The following ROBO2 variants were observed in gnomAD, a reference collection of about 807,000 sequenced individuals.
ROBO2 encodes the protein roundabout homolog 2.
ROBO2 carries 53 observed loss-of-function variants against 160.8 expected under a neutral mutation model. The ratio of observed to expected loss-of-function variants is 0.33; its 90% CI spans 0.26 to 0.41. ROBO2 has a LOEUF of 0.41. ROBO2 is among the 10% of genes least tolerant of loss of function. The pLI is 1.00. For missense variants in ROBO2, 1,577 were observed against 1,722.4 expected (o/e 0.92, Z 1.49); for synonymous variants, 664 against 611.7 (o/e 1.09, Z -1.26).
rs147676664 is a variant in ROBO2 at position 76,336,940 on chromosome 3, T to C, written c.109+399338T>C. On this transcript the variant is annotated intron_variant, in intron 2 of 26. Transcript: ENST00000487694. Reference sequence around the variant, plus strand: ...TTCCCAAAATTAATGTTTGCAGTTATGAATTTTTAAAATAGATTCTGAAAA... The same window carrying C: ...TTCCCAAAATTAATGTTTGCAGTTACGAATTTTTAAAATAGATTCTGAAAA... 2.9e-3 allele frequency among the ~76,000 whole-genome samples: 445 copies of C among 152,246 alleles called. 1 individual carries two copies. Among genetic ancestry groups the C allele is most frequent in the African/African-American group, 0.01 (423 of 41,556 alleles).
chr3:76,517,845 C>T (rs2081415831), intron 2 of ROBO2, among the ~76,000 whole-genome samples: 1 of 152,030 alleles, frequency 6.6e-6, no homozygotes. Context: ...GAGGAAAGAA[C>T]AGAGAACAGA....
At chr3:77,153,459 C>T (rs1579440574) in intron 2 of ROBO2, among the ~76,000 whole-genome samples, 1 of 152,156 alleles carries the variant, frequency 6.6e-6, no homozygotes, top group South Asian at 2.1e-4. Context: ...ACCATTGTGA[C>T]AGTACTACAA....
intron 2 of ROBO2, among the ~76,000 whole-genome samples, chr3:76,683,843 T>A (rs902152699): frequency 6.6e-6 from 1 of 152,070 alleles, no homozygotes; most frequent in African/African-American, 2.4e-5. Context: ...TGAATCGAGT[T>A]TTATTCCCGT....
At chr3:76,924,013 C>T (rs990514812) in intron 2 of ROBO2, among the ~76,000 whole-genome samples, 4 of 152,176 alleles carry the variant, frequency 2.6e-5, no homozygotes, top group Non-Finnish European at 4.4e-5. Flanking sequence ...CATTAATTGT[C>T]ATCTCTTATG....
chr3:76,468,553 C>A (rs905484168), intron 2 of ROBO2, among the ~76,000 whole-genome samples: 1 of 152,018 alleles, frequency 6.6e-6, no homozygotes, highest in African/African-American at 2.4e-5. Flanking sequence ...ATGTCTGACT[C>A]AATTCTTGCC....
At chr3:77,442,566 T>C (rs1211777921) in intron 2 of ROBO2, among the ~76,000 whole-genome samples, 2 of 152,218 alleles carry the variant, frequency 1.3e-5, no homozygotes, top group East Asian at 1.9e-4. Flanking sequence ...TTAAAACTTA[T>C]ACATATCAAA....
intron 2 of ROBO2, among the ~76,000 whole-genome samples, chr3:76,412,790 C>T (rs62262658): frequency 1.3e-5 from 2 of 152,160 alleles, no homozygotes; most frequent in Non-Finnish European, 2.9e-5. Context: ...TGTGGCTTTT[C>T]CAGGCTCAGA....
intron 2 of ROBO2, among the ~76,000 whole-genome samples, chr3:76,155,441 A>G (rs774961776): frequency 2.2e-4 from 33 of 152,298 alleles, no homozygotes; most frequent in Non-Finnish European, 3.7e-4. Context: ...ACAGACTTAA[A>G]AGATAGAACA....
At position 76,319,476 on chromosome 3, in the gene ROBO2, T is replaced by C. The variant is rs538282043; in HGVS notation, c.109+381874T>C. On this transcript the variant is annotated intron_variant, in intron 2 of 26. Transcript: ENST00000487694. ...TCTTGGGAAGGAATATTCCTTTCCCTTTAGCTGGTGTCTTCAACTAAGTTA... is the reference window on the plus strand; with the variant it reads ...TCTTGGGAAGGAATATTCCTTTCCCCTTAGCTGGTGTCTTCAACTAAGTTA... 1.1e-4 allele frequency among the ~76,000 whole-genome samples: 17 copies of C among 152,200 alleles called. No homozygotes were observed. In the South Asian group the frequency reaches 3.5e-3, roughly 32 times the overall value.
At chr3:75,969,670 A>G (rs973030157) in intron 2 of ROBO2, among the ~76,000 whole-genome samples, 1 of 151,602 alleles carries the variant, frequency 6.6e-6, no homozygotes, top group African/African-American at 2.4e-5. Context: ...ACACCTTTTC[A>G]TATACTTGTT....
chr3:76,325,950 T>C (rs1271243877), intron 2 of ROBO2, among the ~76,000 whole-genome samples: 2 of 152,164 alleles, frequency 1.3e-5, no homozygotes, highest in Non-Finnish European at 2.9e-5. Flanking sequence ...AACAGTATTG[T>C]AGAAAATACA....
chr3:76,215,908 G>T (rs1201987322), intron 2 of ROBO2, among the ~76,000 whole-genome samples: 1 of 152,204 alleles, frequency 6.6e-6, no homozygotes, highest in East Asian at 1.9e-4. Flanking sequence ...GGCAGCCAGA[G>T]AGAAAGGTCA....
chr3:77,238,439 TGA>T (rs2088429328), intron 2 of ROBO2, among the ~76,000 whole-genome samples: 1 of 152,188 alleles, frequency 6.6e-6, no homozygotes, highest in Non-Finnish European at 1.5e-5. Flanking sequence ...CATGCCTTTT[TGA>T]TACCATTTAT....
chr3:77,105,966 C>T (rs897031723), intron 2 of ROBO2, among the ~76,000 whole-genome samples: 5 of 152,122 alleles, frequency 3.3e-5, no homozygotes, highest in Admixed American at 6.6e-5. Flanking sequence ...CTCCGGTTTT[C>T]GATCCCAGAA....
chr3:77,315,199 T>A (rs1246152489), intron 2 of ROBO2, among the ~76,000 whole-genome samples: 2 of 152,124 alleles, frequency 1.3e-5, no homozygotes, highest in African/African-American at 2.4e-5. Context: ...AAAGGTCTTA[T>A]TTGCAGAACA....
At chr3:76,782,330 T>C (rs1355088280) in intron 2 of ROBO2, among the ~76,000 whole-genome samples, 5 of 150,754 alleles carry the variant, frequency 3.3e-5, no homozygotes, top group Non-Finnish European at 7.5e-5. Flanking sequence ...GAATTCTGTG[T>C]GAACATTCCA....
intron 2 of ROBO2, among the ~76,000 whole-genome samples, chr3:76,216,907 G>T (rs1703576320): frequency 6.6e-6 from 1 of 152,082 alleles, no homozygotes; most frequent in South Asian, 2.1e-4. Context: ...CACATAGTTG[G>T]AAGTAAAGCT....
intron 2 of ROBO2, among the ~76,000 whole-genome samples, chr3:75,939,456 G>C (rs1185851242): frequency 2.6e-5 from 4 of 152,068 alleles, no homozygotes; most frequent in Non-Finnish European, 4.4e-5. Context: ...TTAAAAAACA[G>C]CCTGAAATCA....
At chr3:76,783,009 CTTTGA>C (rs2062747824) in intron 2 of ROBO2, among the ~76,000 whole-genome samples, 1 of 150,194 alleles carries the variant, frequency 6.7e-6, no homozygotes, top group Non-Finnish European at 1.5e-5. Context: ...TACTTGTGTG[CTTTGA>C]TTTATTTTTC....
Sources: gnomAD v4.1 joint callset for allele counts (sites outside exome capture counted in the v4.1 genomes callset) on GRCh38, gnomAD v4.1.1 for gene constraint, MANE v1.5 for transcripts, NCBI Gene and HGNC (gene_info 2026-07-23, HGNC 2026-07-21) for gene names.